DCC: variants seen among roughly 807,000 people sequenced by gnomAD.
DCC encodes DCC netrin 1 receptor.
In DCC, 58 loss-of-function variants were observed where a neutral mutation model predicts 172.5. The ratio of observed to expected loss-of-function variants is 0.34; its 90% CI spans 0.27 to 0.42. The LOEUF (loss-of-function observed/expected upper bound fraction) is 0.42, where lower values mean the gene tolerates loss of function less well. Ranked by LOEUF, DCC falls within the 10% of genes least tolerant of loss-of-function variation. The pLI is 1.00. For missense variants in DCC, 1,740 were observed against 1,791.0 expected (o/e 0.97, Z 0.51); for synonymous variants, 709 against 644.5 (o/e 1.10, Z -1.52).
chr18:53,163,701 A>C (rs2054876706), intron 8 of DCC, among the ~76,000 whole-genome samples: 1 of 152,212 alleles, frequency 6.6e-6, no homozygotes, highest in Non-Finnish European at 1.5e-5. Context: ...ATTCCAAAAC[A>C]TGAAAGCTAG....
chr18:52,912,767 C>T (rs749168446), intron 3 of DCC, among the ~76,000 whole-genome samples: 3 of 151,952 alleles, frequency 2.0e-5, no homozygotes, highest in Non-Finnish European at 2.9e-5. Flanking sequence ...ACGACATCAG[C>T]GTCTTCAAAT....
chr18:53,116,190 A>G (rs1024051047), intron 7 of DCC, among the ~76,000 whole-genome samples: 2 of 151,724 alleles, frequency 1.3e-5, no homozygotes, highest in African/African-American at 2.4e-5. Flanking sequence ...GACAAAACGC[A>G]CAAACAAAGC....
chr18:52,909,887 A>C (rs1016583073), intron 3 of DCC, among the ~76,000 whole-genome samples: 3 of 152,186 alleles, frequency 2.0e-5, no homozygotes, highest in African/African-American at 7.2e-5. Context: ...TACCCTCATA[A>C]GAGCAATACC....
rs577835007 is a variant in DCC at position 52,590,593 on chromosome 18, C to T, written c.92-161461C>T. Among the ~76,000 whole-genome samples the T allele has an allele frequency of 2.1e-4, 32 of 152,170 alleles. No individual in the cohort carries two copies. In the South Asian group the frequency reaches 6.0e-3, roughly 29 times the overall value. ...ACACAGGGTGCAAGCGCTGAGAGTG[C>T]GAAGATGAGGTCTTGCAGTTGTGAT... On this transcript the variant is annotated intron_variant, in intron 1 of 28. Coordinates refer to ENST00000442544, the MANE Select transcript of DCC (RefSeq NM_005215.4).
chr18:53,194,974 G>C (rs1308436924), intron 9 of DCC, among the ~76,000 whole-genome samples: 1 of 152,126 alleles, frequency 6.6e-6, no homozygotes. Context: ...TCAGGGTCTT[G>C]ATTTCAGGTA....
chr18:53,430,304 A>G (rs1268733823), intron 21 of DCC, among the ~76,000 whole-genome samples: 2 of 152,126 alleles, frequency 1.3e-5, no homozygotes, highest in Non-Finnish European at 2.9e-5. Context: ...GTTTTTCTCT[A>G]GGGATTGATT....
intron 7 of DCC, among the ~76,000 whole-genome samples, chr18:53,074,846 T>C (rs2042704018): frequency 6.6e-6 from 1 of 152,192 alleles, no homozygotes. Context: ...TAGTGTATAT[T>C]TATGAAGAGA....
chr18:53,014,324 C>T (rs1003864413), intron 5 of DCC, among the ~76,000 whole-genome samples: 2 of 151,888 alleles, frequency 1.3e-5, no homozygotes, highest in Non-Finnish European at 2.9e-5. Flanking sequence ...GGTACATGTG[C>T]ACAACGTGCA....
chr18:53,063,556 T>C, intron 6 of DCC, 97 bp downstream of exon 6: 1 of 1,049,576 alleles, frequency 9.5e-7, no homozygotes, highest in Non-Finnish European at 1.4e-6. Context: ...AGGTTCCTGT[T>C]GGAGATTTTT....
chr18:52,447,235 C>A (rs1370565092), intron 1 of DCC, among the ~76,000 whole-genome samples: 2 of 152,180 alleles, frequency 1.3e-5, no homozygotes, highest in Non-Finnish European at 2.9e-5. Context: ...CTCTGCTAAC[C>A]ATTTGATATG....
intron 12 of DCC, among the ~76,000 whole-genome samples, chr18:53,246,137 C>T (rs1362364760): frequency 1.3e-5 from 2 of 152,052 alleles, no homozygotes; most frequent in East Asian, 1.9e-4. Flanking sequence ...CAGATTTCTC[C>T]TTAACCTTTT....
chr18:52,637,583 C>T (rs1339004150), intron 1 of DCC, among the ~76,000 whole-genome samples: 2 of 152,194 alleles, frequency 1.3e-5, no homozygotes, highest in African/African-American at 4.8e-5. Context: ...CTCAAAGACA[C>T]GATCTTCGAA....
At chr18:52,953,145 C>G (rs2145553028) in intron 5 of DCC, among the ~76,000 whole-genome samples, 1 of 152,008 alleles carries the variant, frequency 6.6e-6, no homozygotes, top group South Asian at 2.1e-4. Flanking sequence ...ACCAACATCC[C>G]TTTTCAAAGA....
intron 1 of DCC, among the ~76,000 whole-genome samples, chr18:52,378,378 A>T (rs1294252963): frequency 6.6e-6 from 1 of 152,104 alleles, no homozygotes; most frequent in Admixed American, 6.5e-5. Flanking sequence ...TAACTTAAGC[A>T]TCCTTACATT....
intron 12 of DCC, among the ~76,000 whole-genome samples, chr18:53,279,645 AAT>A (rs1468232002): frequency 1.9e-4 from 12 of 63,022 alleles, no homozygotes; most frequent in African/African-American, 4.9e-4. Context: ...CTTAAAGTAT[AAT>A]AAAAAAAAAA....
Position 53,259,763 on chromosome 18 carries a change from G to T in DCC, c.1911+44166G>T, listed in dbSNP as rs547563275. Among the ~76,000 whole-genome samples the T allele has an allele frequency of 4.6e-5, 7 of 152,260 alleles. No individual in the cohort carries two copies. The South Asian group carries it at 8.3e-4, about 18-fold the overall frequency. On this transcript the variant is annotated intron_variant, in intron 12 of 28. Transcript: ENST00000442544. Reference sequence around the variant, plus strand: ...ATGAATTTGAATATTGGCCTGCCTTGGTAGATTGGGGAAGTTCTCCTGGAT... The same window carrying T: ...ATGAATTTGAATATTGGCCTGCCTTTGTAGATTGGGGAAGTTCTCCTGGAT...
intron 11 of DCC, among the ~76,000 whole-genome samples, chr18:53,213,699 T>C (rs575865280): frequency 6.8e-6 from 1 of 147,070 alleles, no homozygotes. Flanking sequence ...TCACTTAATA[T>C]TAAGACATTA....
intron 13 of DCC, among the ~76,000 whole-genome samples, chr18:53,318,598 A>G (rs2057371048): frequency 6.6e-6 from 1 of 152,102 alleles, no homozygotes; most frequent in Admixed American, 6.6e-5. Context: ...GTCTCTCACT[A>G]TTATTGAGTG....
At position 52,858,178 on chromosome 18, in the gene DCC, G is replaced by A. The variant is rs533522744; in HGVS notation, c.413-47866G>A. Among the ~76,000 whole-genome samples, 75 of 152,332 alleles carry A rather than the reference G, an allele frequency of 4.9e-4. No homozygotes were observed. In the South Asian group the frequency reaches 8.5e-3, roughly 17 times the overall value. ...ATCACTTTCAGTCTTTCTGAAGACT[G>A]CGCTGTAGGAAGGAAGGCTAGCACG... On this transcript the variant is annotated intron_variant, in intron 2 of 28. Coordinates refer to ENST00000442544, the MANE Select transcript of DCC (RefSeq NM_005215.4).
Sources: gnomAD v4.1 joint callset for allele counts (sites outside exome capture counted in the v4.1 genomes callset) on GRCh38, gnomAD v4.1.1 for gene constraint, MANE v1.5 for transcripts, NCBI Gene and HGNC (gene_info 2026-07-23, HGNC 2026-07-21) for gene names.